The following ZNF560 variants were observed in gnomAD, a reference collection of about 807,000 sequenced individuals.
The protein encoded by ZNF560 is zinc finger protein 560.
Under a neutral mutation model 81.8 loss-of-function variants are expected in ZNF560, and 54 were observed. The ratio of observed to expected loss-of-function variants is 0.66; its 90% CI spans 0.53 to 0.83. ZNF560 has a LOEUF of 0.83. ZNF560 is among the 40% of genes least tolerant of loss of function. The pLI is 0.00. For synonymous variants in ZNF560, 321 were observed against 317.9 expected (o/e 1.01, Z -0.10); for missense variants, 940 against 932.4 (o/e 1.01, Z -0.11).
At chr19:9,468,456 A>C (rs2073069483) in intron 9 of ZNF560, 122 bp from the exon 10 acceptor site, 1 of 696,544 alleles carries the variant, frequency 1.4e-6, no homozygotes, top group African/African-American at 1.8e-5. Flanking sequence ...TATAGTTTCT[A>C]CCTTTTGGAT....
At chr19:9,447,948 A>C in the ZNF560 span, among the ~76,000 whole-genome samples, 1 of 152,168 alleles carries the variant, frequency 6.6e-6, no homozygotes, top group Non-Finnish European at 1.5e-5. Context: ...AAAAAGCTTA[A>C]AGGCAGCTAG....
Position 9,471,395 on chromosome 19 carries a change from A to C in ZNF560, c.239-17T>G, listed in dbSNP as rs751482856. 3.9e-6 allele frequency: 6 copies of C among 1,523,644 alleles called. No individual in the cohort carries two copies. The highest frequency in any genetic ancestry group is 5.2e-6 in the Non-Finnish European group (6 of 1,143,328). The allele number at this position is 1,523,644 out of a possible 1,614,324, so 94.4% of individuals were successfully genotyped here. A position where few individuals can be genotyped will look rare whatever the true frequency, so the allele number is the denominator to read the frequency against. On this transcript the variant is annotated splice_polypyrimidine_tract_variant and intron_variant, in intron 5 of 9. Transcript: ENST00000301480. ...TTGCCCAGTCTGAAACAAAAACATA[A>C]ACTGAGGTTTTTTTTTTTTTTAAAA...
At chr19:9,455,598 G>A in the ZNF560 span, among the ~76,000 whole-genome samples, 1 of 152,266 alleles carries the variant, frequency 6.6e-6, no homozygotes, top group Non-Finnish European at 1.5e-5. Context: ...TGTTAAGCAG[G>A]GGCCAAAAGA....
chr19:9,473,346 T>A, intron 4 of ZNF560, 87 bp from the exon 5 acceptor site: 1 of 939,598 alleles, frequency 1.1e-6, no homozygotes, highest in Non-Finnish European at 1.6e-6. Context: ...TTTGGGAGGC[T>A]GAAGTGGGTG....
upstream of ZNF560, among the ~76,000 whole-genome samples, chr19:9,500,982 G>A (rs1433469563): frequency 6.6e-6 from 1 of 151,970 alleles, no homozygotes; most frequent in African/African-American, 2.4e-5. Flanking sequence ...CTAATGTGAA[G>A]AATTACATTT....
the ZNF560 span, among the ~76,000 whole-genome samples, chr19:9,505,566 G>C: frequency 2.6e-5 from 4 of 152,188 alleles, no homozygotes; most frequent in African/African-American, 9.6e-5. Context: ...TTTGCTATAT[G>C]TGTTCTGAAT....
chr19:9,448,627 G>GAA, the ZNF560 span, among the ~76,000 whole-genome samples: 1 of 151,850 alleles, frequency 6.6e-6, no homozygotes, highest in African/African-American at 2.4e-5. Context: ...ACCTTTTGAA[G>GAA]CAAAAACAAA....
the ZNF560 span, among the ~76,000 whole-genome samples, chr19:9,458,125 A>G: frequency 6.6e-6 from 1 of 152,318 alleles, no homozygotes; most frequent in East Asian, 1.9e-4. Flanking sequence ...TCGGATTGTT[A>G]AATTACACGG....
At chr19:9,469,772 A>G in intron 7 of ZNF560, 62 bp from the exon 8 acceptor site, 2 of 1,396,344 alleles carry the variant, frequency 1.4e-6, no homozygotes, top group Non-Finnish European at 2.0e-6. Context: ...AAACTTTTCC[A>G]TGAAACAGGG....
chr19:9,469,257 G>C, intron 8 of ZNF560, 70 bp from the exon 9 acceptor site: 1 of 1,223,128 alleles, frequency 8.2e-7, no homozygotes, highest in Non-Finnish European at 1.1e-6. Context: ...AAAGCAGATA[G>C]ATTTGAACAA....
chr19:9,464,734 G>A (rs892273088), downstream of ZNF560, among the ~76,000 whole-genome samples: 1 of 152,158 alleles, frequency 6.6e-6, no homozygotes, highest in East Asian at 1.9e-4. Context: ...TTGTAACCCA[G>A]AGGATGTATA....
chr19:9,494,366 T>C (rs1341056112), intron 2 of ZNF560, among the ~76,000 whole-genome samples: 1 of 152,176 alleles, frequency 6.6e-6, no homozygotes, highest in African/African-American at 2.4e-5. Context: ...TCATATCTGC[T>C]AGGAACAAAG....
the ZNF560 span, among the ~76,000 whole-genome samples, chr19:9,460,639 G>A: frequency 6.6e-6 from 1 of 152,124 alleles, no homozygotes. Context: ...CACCCCCTCA[G>A]TATCAATCTT....
intron 2 of ZNF560, among the ~76,000 whole-genome samples, chr19:9,484,627 C>CAA (rs60283585): frequency 0.14 from 11,093 of 79,542 alleles, 563 homozygotes; most frequent in South Asian, 0.25. Context: ...ACCGAAAATA[C>CAA]AAAAAAAAAA....
rs953955055 is a variant in ZNF560 at position 9,471,981 on chromosome 19, G to A, written c.239-603C>T. 4.6e-5 allele frequency among the ~76,000 whole-genome samples: 7 copies of A among 152,192 alleles called. No homozygotes were observed. In the South Asian group the frequency reaches 1.5e-3, roughly 32 times the overall value. On this transcript the variant is annotated intron_variant, in intron 5 of 9. Transcript: ENST00000301480. ...AAAAATTAGCCGGGCATGTTGGCAG[G>A]CACCTGTAGTCCCAGCTACTCGGGA...
chr19:9,495,650 T>C lies in ZNF560; in HGVS notation c.-57+2478A>G, dbSNP rs1217720480. On this transcript the variant is annotated intron_variant, in intron 2 of 9. Coordinates refer to ENST00000301480, the MANE Select transcript of ZNF560 (RefSeq NM_152476.3). ...TGAACCCAGGAGGCGGAGGGTGCAG[T>C]GTATTCAGATGGCACCACTGCACTC... Among the ~76,000 whole-genome samples the C allele has an allele frequency of 2.6e-5, 4 of 152,086 alleles. 1 individual carries two copies. The highest frequency in any genetic ancestry group is 4.8e-5 in the African/African-American group (2 of 41,394).
At chr19:9,485,549 ATT>A (rs762144861) in intron 2 of ZNF560, among the ~76,000 whole-genome samples, 2 of 141,194 alleles carry the variant, frequency 1.4e-5, no homozygotes, top group Middle Eastern at 3.6e-3. Context: ...TAACCAAAAG[ATT>A]TTTTTTTTTT....
chr19:9,468,725 CTTTTTTT>C (rs3068756), intron 9 of ZNF560, among the ~76,000 whole-genome samples: 5 of 123,050 alleles, frequency 4.1e-5, no homozygotes, highest in African/African-American at 1.2e-4. Context: ...CTGCTGATTT[CTTTTTTT>C]TTTTTTTTTT....
At chr19:9,501,103 G>A (rs375511160), upstream of ZNF560, among the ~76,000 whole-genome samples, 1 of 150,900 alleles carries the variant, frequency 6.6e-6, no homozygotes, top group African/African-American at 2.4e-5. Context: ...TATTTTTTAA[G>A]GATTTTTGCA....
Sources: allele counts gnomAD v4.1 joint callset (sites outside exome capture counted in the v4.1 genomes callset), GRCh38; gene constraint gnomAD v4.1.1; transcripts MANE v1.5; gene names NCBI Gene and HGNC (gene_info 2026-07-23, HGNC 2026-07-21).